GALNTL6: variants seen among roughly 807,000 people sequenced by gnomAD.
GALNTL6 encodes the protein polypeptide N-acetylgalactosaminyltransferase like 6.
GALNTL6 carries 46 observed loss-of-function variants against 73.7 expected under a neutral mutation model. That is an observed-to-expected ratio of 0.62 (90% CI 0.49 to 0.80). The LOEUF (loss-of-function observed/expected upper bound fraction) is 0.80. Among genes scored for constraint, GALNTL6 ranks in the 30% least tolerant of loss-of-function variants. The pLI is 0.00. For missense variants in GALNTL6, 604 were observed against 755.0 expected (o/e 0.80, Z 2.34); for synonymous variants, 259 against 263.7 (o/e 0.98, Z 0.17).
At chr4:172,143,998 A>T (rs1733864805) in intron 2 of GALNTL6, among the ~76,000 whole-genome samples, 1 of 152,178 alleles carries the variant, frequency 6.6e-6, no homozygotes, top group Non-Finnish European at 1.5e-5. Flanking sequence ...GGCAATAACC[A>T]GAACAACTCT....
rs750083547 is a variant in GALNTL6, at chr4:172,780,116, C to CTT, written c.554-29234_554-29233dup. On this transcript the variant is annotated intron_variant, in intron 5 of 12. Coordinates refer to ENST00000506823, the MANE Select transcript of GALNTL6 (RefSeq NM_001034845.3). ...AAGGAAGGTTCAGGTTTATTCTTGG[C>CTT]TTTTTTTTTTTTAAAGTAGTGCAAG... is the stretch of plus-strand genomic sequence containing the variant. Among the ~76,000 whole-genome samples the CTT allele has an allele frequency of 3.5e-5, 5 of 144,724 alleles. 1 individual carries two copies. The highest frequency in any genetic ancestry group is 4.4e-4 in the South Asian group (2 of 4,508). 94.9% of individuals were successfully genotyped at this position (144,724 alleles called of 152,430 possible).
intron 2 of GALNTL6, among the ~76,000 whole-genome samples, chr4:172,148,331 G>A (rs1733981755): frequency 6.6e-6 from 1 of 152,130 alleles, no homozygotes; most frequent in Non-Finnish European, 1.5e-5. Flanking sequence ...GATCCATTAA[G>A]TCTTTGCTCC....
At chr4:172,616,152 C>T (rs1473445390) in intron 5 of GALNTL6, among the ~76,000 whole-genome samples, 2 of 152,064 alleles carry the variant, frequency 1.3e-5, no homozygotes, top group Admixed American at 6.6e-5. Context: ...CATGGCAAAG[C>T]CCCCATAAGA....
At chr4:172,365,319 G>T (rs1742516939) in intron 5 of GALNTL6, among the ~76,000 whole-genome samples, 1 of 151,992 alleles carries the variant, frequency 6.6e-6, no homozygotes. Flanking sequence ...GTCTCTGGTT[G>T]GGGAAGGGTT....
At chr4:171,919,151 T>A (rs1161462909) in intron 2 of GALNTL6, among the ~76,000 whole-genome samples, 1 of 152,170 alleles carries the variant, frequency 6.6e-6, no homozygotes, top group Non-Finnish European at 1.5e-5. Context: ...TAAGTGTTTT[T>A]ACCACAGATG....
intron 2 of GALNTL6, among the ~76,000 whole-genome samples, chr4:171,978,020 G>T (rs10027525): frequency 6.6e-6 from 1 of 151,942 alleles, no homozygotes; most frequent in African/African-American, 2.4e-5. Context: ...GTATTCTTTA[G>T]AGATTTTTGT....
chr4:172,067,025 T>C (rs970213396), intron 2 of GALNTL6, among the ~76,000 whole-genome samples: 3 of 152,026 alleles, frequency 2.0e-5, no homozygotes, highest in Non-Finnish European at 4.4e-5. Flanking sequence ...AAGGATGATG[T>C]GTCTTAGATT....
chr4:171,928,786 A>G (rs1428026970), intron 2 of GALNTL6, among the ~76,000 whole-genome samples: 1 of 152,178 alleles, frequency 6.6e-6, no homozygotes, highest in East Asian at 1.9e-4. Context: ...ACAGGCTTGT[A>G]GGCTAGGAGC....
At position 172,970,690 on chromosome 4, in the gene GALNTL6, C is replaced by T. The variant is rs138787037; in HGVS notation, c.1371+18432C>T. Among the ~76,000 whole-genome samples the T allele has an allele frequency of 8.5e-4, 130 of 152,298 alleles. 1 individual carries two copies. Among genetic ancestry groups the T allele is most frequent in the East Asian group, 7.9e-3 (41 of 5,186 alleles). On this transcript the variant is annotated intron_variant, in intron 10 of 12. Coordinates refer to ENST00000506823, the MANE Select transcript of GALNTL6 (RefSeq NM_001034845.3). ...ATATTGTTCAAACACACATACTTTACAATCAATTTGTACAATAGTGGTCCT... is the reference window on the plus strand; with the variant it reads ...ATATTGTTCAAACACACATACTTTATAATCAATTTGTACAATAGTGGTCCT...
At chr4:172,536,605 G>C (rs894798514) in intron 5 of GALNTL6, among the ~76,000 whole-genome samples, 1 of 152,098 alleles carries the variant, frequency 6.6e-6, no homozygotes, top group Non-Finnish European at 1.5e-5. Context: ...CATGATTTAG[G>C]GTATCTGGCA....
chr4:171,831,520 T>A (rs2110825118), intron 2 of GALNTL6, among the ~76,000 whole-genome samples: 1 of 152,108 alleles, frequency 6.6e-6, no homozygotes, highest in Middle Eastern at 3.4e-3. Flanking sequence ...AACTTTTCAT[T>A]CTGACATTTC....
intron 2 of GALNTL6, among the ~76,000 whole-genome samples, chr4:172,219,222 T>TATATATATATATATATATATAA (rs1483226525): frequency 7.0e-6 from 1 of 141,932 alleles, no homozygotes; most frequent in Non-Finnish European, 1.6e-5. Flanking sequence ...TATATATATA[T>TATATATATATATATATATATAA]AATCCTTCTG....
At chr4:172,804,565 T>A (rs1671261485) in intron 5 of GALNTL6, among the ~76,000 whole-genome samples, 1 of 152,170 alleles carries the variant, frequency 6.6e-6, no homozygotes, top group Admixed American at 6.5e-5. Flanking sequence ...TGGGCCTCCA[T>A]ACCAGCTGCT....
chr4:172,553,190 C>T (rs1736027473), intron 5 of GALNTL6, among the ~76,000 whole-genome samples: 1 of 152,122 alleles, frequency 6.6e-6, no homozygotes, highest in African/African-American at 2.4e-5. Context: ...GATTCAAACC[C>T]AATATTTATG....
chr4:172,517,963 A>G (rs1157943184), intron 5 of GALNTL6, among the ~76,000 whole-genome samples: 1 of 152,092 alleles, frequency 6.6e-6, no homozygotes, highest in African/African-American at 2.4e-5. Flanking sequence ...AAAAAGATGC[A>G]TAGTCATAGG....
At chr4:172,115,779 T>G (rs1405264595) in intron 2 of GALNTL6, among the ~76,000 whole-genome samples, 1 of 152,014 alleles carries the variant, frequency 6.6e-6, no homozygotes, top group Non-Finnish European at 1.5e-5. Flanking sequence ...ATAATATAAA[T>G]AAAATAAGTT....
At chr4:172,160,349 G>GA (rs35325563) in intron 2 of GALNTL6, among the ~76,000 whole-genome samples, 2,012 of 143,532 alleles carry the variant, frequency 0.014, 42 homozygotes, top group African/African-American at 0.046. Flanking sequence ...AGGACTGAAA[G>GA]AAAAAAAAAA....
At chr4:172,111,839 G>A (rs902346533) in intron 2 of GALNTL6, among the ~76,000 whole-genome samples, 1 of 152,004 alleles carries the variant, frequency 6.6e-6, no homozygotes, top group Non-Finnish European at 1.5e-5. Flanking sequence ...TGCCCCTACA[G>A]CTGCACAGAC....
Position 172,743,104 on chromosome 4 carries a change from T to C in GALNTL6, c.554-66257T>C, listed in dbSNP as rs149103919. On this transcript the variant is annotated intron_variant, in intron 5 of 12. Coordinates refer to ENST00000506823, the MANE Select transcript of GALNTL6 (RefSeq NM_001034845.3). The stretch of plus-strand genomic sequence containing the variant: ...GTAGTTCTCCAAAGGAAAATAGTTA[T>C]ATGAAAAGAGCCTATTGCTTTCCTC... 2.0e-5 allele frequency among the ~76,000 whole-genome samples: 3 copies of C among 152,196 alleles called. No homozygotes were observed. The East Asian group carries it at 5.8e-4, about 29-fold the overall frequency.
Sources: gnomAD v4.1 joint callset for allele counts (sites outside exome capture counted in the v4.1 genomes callset) on GRCh38, gnomAD v4.1.1 for gene constraint, MANE v1.5 for transcripts, NCBI Gene and HGNC (gene_info 2026-07-23, HGNC 2026-07-21) for gene names.